Variants in CAMTA1 observed in about 807,000 individuals in gnomAD.
CAMTA1 encodes calmodulin-binding transcription activator 1.
A neutral mutation model predicts 170.9 loss-of-function variants in CAMTA1; 27 were observed. That is an observed-to-expected ratio of 0.16 (90% CI 0.12 to 0.22). CAMTA1 has a LOEUF of 0.22. Ranked by LOEUF, CAMTA1 falls within the 10% of genes least tolerant of loss-of-function variation. CAMTA1 has a pLI of 1.00. For synonymous variants in CAMTA1, 833 were observed against 891.5 expected (o/e 0.93, Z 1.17); for missense variants, 1,619 against 2,217.2 (o/e 0.73, Z 5.42).
At chr1:6,989,762 A>G (rs1384710580) in intron 3 of CAMTA1, among the ~76,000 whole-genome samples, 1 of 152,174 alleles carries the variant, frequency 6.6e-6, no homozygotes, top group Admixed American at 6.5e-5. Context: ...TGACTCTAGG[A>G]GGTCACATCC....
chr1:7,386,157 G>T (rs1196411387), intron 5 of CAMTA1, among the ~76,000 whole-genome samples: 2 of 152,228 alleles, frequency 1.3e-5, no homozygotes, highest in African/African-American at 4.8e-5. Flanking sequence ...TTGTCAGAAA[G>T]GTTGCGTTTT....
chr1:7,377,096 G>C (rs1214175590), intron 5 of CAMTA1, among the ~76,000 whole-genome samples: 1 of 152,176 alleles, frequency 6.6e-6, no homozygotes, highest in Non-Finnish European at 1.5e-5. Flanking sequence ...GTCCAACCCA[G>C]TCCCAACACA....
chr1:6,871,473 C>G (rs954812256), intron 3 of CAMTA1, among the ~76,000 whole-genome samples: 1 of 152,160 alleles, frequency 6.6e-6, no homozygotes, highest in Non-Finnish European at 1.5e-5. Context: ...GGCAACTTAT[C>G]AAACACTGTC....
At chr1:6,928,621 C>G (rs967586205) in intron 3 of CAMTA1, among the ~76,000 whole-genome samples, 1 of 152,174 alleles carries the variant, frequency 6.6e-6, no homozygotes, top group Admixed American at 6.5e-5. Context: ...CTGCCTCACT[C>G]CTCCTCCCTC....
chr1:7,164,669 A>G (rs1159436727), intron 4 of CAMTA1, among the ~76,000 whole-genome samples: 1 of 152,256 alleles, frequency 6.6e-6, no homozygotes, highest in East Asian at 1.9e-4. Flanking sequence ...GGAGAAACAG[A>G]AATGGACAGA....
At chr1:6,830,177 C>T (rs2148565512) in intron 3 of CAMTA1, among the ~76,000 whole-genome samples, 1 of 151,818 alleles carries the variant, frequency 6.6e-6, no homozygotes, top group South Asian at 2.1e-4. Context: ...GCTAGGACTA[C>T]AGGCGCCCAC....
At position 7,037,415 on chromosome 1, in the gene CAMTA1, G is replaced by A. The variant is rs187126394; in HGVS notation, c.235-53889G>A. Among the ~76,000 whole-genome samples the A allele has an allele frequency of 3.6e-3, 552 of 152,276 alleles. 1 individual carries two copies. Among genetic ancestry groups the A allele is most frequent in the Admixed American group, 5.4e-3 (82 of 15,290 alleles). ...GCACGTTGGCCTTTCCCTGTGCTCC[G>A]GCTGGAATCAACGAGGCATTTGTTC... On this transcript the variant is annotated intron_variant, in intron 3 of 22. Transcript: ENST00000303635.
intron 5 of CAMTA1, among the ~76,000 whole-genome samples, chr1:7,255,333 A>G (rs538121357): frequency 6.6e-6 from 1 of 152,268 alleles, no homozygotes; most frequent in South Asian, 2.1e-4. Context: ...ATTAAATTAA[A>G]AGAAAAACAT....
chr1:6,915,725 C>T (rs959952189), intron 3 of CAMTA1, among the ~76,000 whole-genome samples: 2 of 152,156 alleles, frequency 1.3e-5, no homozygotes, highest in Admixed American at 1.3e-4. Flanking sequence ...CAGCCATGGC[C>T]ACTGGCGTGG....
chr1:6,796,297 C>T (rs182380883), intron 1 of CAMTA1, among the ~76,000 whole-genome samples: 4 of 152,036 alleles, frequency 2.6e-5, no homozygotes, highest in Admixed American at 1.3e-4. Flanking sequence ...GCCACCATGC[C>T]TGGCTAATTT....
chr1:6,862,393 C>T (rs1370025967), intron 3 of CAMTA1, among the ~76,000 whole-genome samples: 1 of 152,218 alleles, frequency 6.6e-6, no homozygotes, highest in Non-Finnish European at 1.5e-5. Flanking sequence ...GTTATGTGCA[C>T]ACCACATTTT....
rs191949866 is a variant in CAMTA1, at chr1:7,449,208, G to A, written c.439-18622G>A. 2.6e-3 allele frequency among the ~76,000 whole-genome samples: 394 copies of A among 152,354 alleles called. 2 individuals carry two copies. The highest frequency in any genetic ancestry group is 2.9e-3 in the Non-Finnish European group (196 of 68,038). On this transcript the variant is annotated intron_variant, in intron 5 of 22. Transcript: ENST00000303635. ...CAAACCACAAGGCTGATAAAGCGAG[G>A]AGATGTAGGCCTAGACATTTGTCAG...
At chr1:6,964,561 C>T (rs1417251537) in intron 3 of CAMTA1, among the ~76,000 whole-genome samples, 1 of 152,154 alleles carries the variant, frequency 6.6e-6, no homozygotes, top group Non-Finnish European at 1.5e-5. Flanking sequence ...CTGGTAGTAG[C>T]CACTCTGTAG....
chr1:7,305,628 T>C (rs918307906), intron 5 of CAMTA1, among the ~76,000 whole-genome samples: 21 of 152,116 alleles, frequency 1.4e-4, no homozygotes, highest in African/African-American at 5.1e-4. Context: ...CATGTACCAA[T>C]TTGTTTATCT....
At position 7,524,900 on chromosome 1, in the gene CAMTA1, T is replaced by G. The variant is rs888109426; in HGVS notation, c.510+56999T>G. On this transcript the variant is annotated intron_variant, in intron 6 of 22. Transcript: ENST00000303635. The stretch of plus-strand genomic sequence containing the variant: ...GCTGAGCCTTCTGTCCTGTGCCATG[T>G]TCCCGGCCCCTCAGGAAAAGGAACC... Among the ~76,000 whole-genome samples, 9 of 152,136 alleles carry G rather than the reference T, an allele frequency of 5.9e-5. 1 individual carries two copies. The highest frequency in any genetic ancestry group is 1.3e-4 in the Non-Finnish European group (9 of 68,022).
At chr1:7,494,591 G>A (rs572006458) in intron 6 of CAMTA1, among the ~76,000 whole-genome samples, 1 of 152,216 alleles carries the variant, frequency 6.6e-6, no homozygotes, top group East Asian at 1.9e-4. Context: ...ATCACTTGAG[G>A]TCAGGAGCTC....
intron 5 of CAMTA1, among the ~76,000 whole-genome samples, chr1:7,366,031 G>A (rs908078621): frequency 3.3e-5 from 5 of 152,202 alleles, no homozygotes; most frequent in African/African-American, 1.2e-4. Context: ...ATTACCTGGT[G>A]ACTTGCTCCT....
intron 4 of CAMTA1, among the ~76,000 whole-genome samples, chr1:7,227,633 T>A (rs907821456): frequency 1.3e-5 from 2 of 152,192 alleles, no homozygotes; most frequent in Admixed American, 6.5e-5. Flanking sequence ...CCAGCCGAAC[T>A]CATCCCTTTG....
chr1:7,596,688 G>T (rs1034124139), intron 6 of CAMTA1, among the ~76,000 whole-genome samples: 2 of 152,248 alleles, frequency 1.3e-5, no homozygotes, highest in Non-Finnish European at 2.9e-5. Flanking sequence ...CTCTGTGGTT[G>T]AATTGGCCAT....
Sources: allele counts gnomAD v4.1 joint callset (sites outside exome capture counted in the v4.1 genomes callset), GRCh38; gene constraint gnomAD v4.1.1; transcripts MANE v1.5; gene names NCBI Gene and HGNC (gene_info 2026-07-23, HGNC 2026-07-21).